PBX1: variants seen among roughly 807,000 people sequenced by gnomAD.
The protein encoded by PBX1 is PBX homeobox 1.
In PBX1, 6 loss-of-function variants were observed where a neutral mutation model predicts 53.4. The observed-to-expected ratio is 0.11, with a 90% CI of 0.06 to 0.22. The LOEUF is 0.22. Ranked by LOEUF, PBX1 falls within the 10% of genes least tolerant of loss-of-function variation. PBX1 has a pLI of 1.00. For synonymous variants in PBX1, 204 were observed against 212.3 expected (o/e 0.96, Z 0.34); for missense variants, 251 against 551.4 (o/e 0.46, Z 5.46).
At chr1:164,842,092 G>A (rs1671328088) in intron 8 of PBX1, among the ~76,000 whole-genome samples, 1 of 152,164 alleles carries the variant, frequency 6.6e-6, no homozygotes, top group African/African-American at 2.4e-5. Flanking sequence ...GTGGGAAAAA[G>A]AGGAGATGGG....
At chr1:164,810,144 G>T (rs1669536737) in intron 5 of PBX1, among the ~76,000 whole-genome samples, 1 of 152,058 alleles carries the variant, frequency 6.6e-6, no homozygotes, top group African/African-American at 2.4e-5. Context: ...CTTCATCATG[G>T]CTCTGCCCAG....
chr1:164,852,833 A>G (rs937076468), downstream of PBX1, among the ~76,000 whole-genome samples: 1 of 152,224 alleles, frequency 6.6e-6, no homozygotes, highest in African/African-American at 2.4e-5. Flanking sequence ...GAGTGTCACC[A>G]GAAGCCAAAA....
intron 3 of PBX1, among the ~76,000 whole-genome samples, chr1:164,793,243 A>G (rs1045052512): frequency 3.3e-5 from 5 of 152,112 alleles, no homozygotes; most frequent in African/African-American, 1.2e-4. Flanking sequence ...CCCTCACTTT[A>G]CCCAGACTCA....
In PBX1 at chr1:164,875,237, G is replaced by A. The variant is rs1450642985; in HGVS notation, n.258-23951G>A. Among the ~76,000 whole-genome samples, 4 of 152,284 alleles carry A rather than the reference G, an allele frequency of 2.6e-5. No individual in the cohort carries two copies. In the East Asian group the frequency reaches 7.7e-4, roughly 29 times the overall value. On this transcript the variant is annotated intron_variant and non_coding_transcript_variant, in intron 2 of 2. Coordinates refer to the PBX1 transcript ENST00000558796. ...AAAGCAAAGGAAGCACGACTGGGCTGGGAAGCTGTCAAACAGGGATACAGA... is the reference window on the plus strand; with the variant it reads ...AAAGCAAAGGAAGCACGACTGGGCTAGGAAGCTGTCAAACAGGGATACAGA...
chr1:164,697,236 A>G (rs1662849124), intron 2 of PBX1, among the ~76,000 whole-genome samples: 1 of 152,180 alleles, frequency 6.6e-6, no homozygotes, highest in African/African-American at 2.4e-5. Context: ...TTGCCCTGTT[A>G]CCTGACTAGG....
chr1:164,826,242 A>C (rs1670453146), intron 8 of PBX1, among the ~76,000 whole-genome samples: 1 of 152,170 alleles, frequency 6.6e-6, no homozygotes, highest in Non-Finnish European at 1.5e-5. Flanking sequence ...AGAGTTAGTA[A>C]CTTCTATTCT....
At chr1:164,607,385 A>C (rs757529299) in intron 2 of PBX1, among the ~76,000 whole-genome samples, 4 of 152,170 alleles carry the variant, frequency 2.6e-5, no homozygotes, top group Non-Finnish European at 4.4e-5. Context: ...AGGTGGTTTG[A>C]GGGAGAAGGA....
At chr1:164,611,474 G>A (rs1656923116) in intron 2 of PBX1, among the ~76,000 whole-genome samples, 1 of 152,044 alleles carries the variant, frequency 6.6e-6, no homozygotes, top group Non-Finnish European at 1.5e-5. Flanking sequence ...TCCTGACCTC[G>A]TGATCCGCCC....
intron 2 of PBX1, among the ~76,000 whole-genome samples, chr1:164,614,195 G>A (rs1305637513): frequency 2.6e-5 from 4 of 152,166 alleles, no homozygotes. Context: ...CATGAAAGAA[G>A]GATAGACAAA....
At chr1:164,676,571 A>G (rs1016641871) in intron 2 of PBX1, among the ~76,000 whole-genome samples, 6 of 152,220 alleles carry the variant, frequency 3.9e-5, no homozygotes, top group African/African-American at 1.4e-4. Context: ...TTTATGGTCA[A>G]CAGCTTTTTG....
At chr1:164,866,295 G>A (rs575738580) in intron 2 of PBX1, among the ~76,000 whole-genome samples, 5 of 152,206 alleles carry the variant, frequency 3.3e-5, no homozygotes, top group Non-Finnish European at 4.4e-5. Context: ...ATATCTTCAC[G>A]CTTGTAGCTC....
rs545884139 is a variant in PBX1, at chr1:164,697,428, TTTAA to T, written c.266-95062_266-95059del. On this transcript the variant is annotated intron_variant, in intron 2 of 8. Transcript: ENST00000420696. Reference sequence around the variant, plus strand: ...GCTCCTATAACAAAATTCCTGAAACTTTAATTAGCCCTTTTCTATTCTATGTCAA... The same window carrying T: ...GCTCCTATAACAAAATTCCTGAAACTTTAGCCCTTTTCTATTCTATGTCAA... Among the ~76,000 whole-genome samples the T allele has an allele frequency of 1.1e-4, 16 of 152,348 alleles. No individual in the cohort carries two copies. In the East Asian group the frequency reaches 2.9e-3, roughly 28 times the overall value.
In PBX1 at chr1:164,811,949, A is replaced by G. The variant is rs202126382; in HGVS notation, c.838-41A>G. The G allele has an allele frequency of 4.2e-5, 66 of 1,561,976 alleles. No individual in the cohort carries two copies. In the Admixed American group the frequency reaches 1.1e-3, roughly 25 times the overall value. On this transcript the variant is annotated intron_variant, in intron 5 of 8. Coordinates refer to ENST00000420696, the MANE Select transcript of PBX1 (RefSeq NM_002585.4). ...TTTTCTTCTGCAATGTTTCTGAAGG[A>G]TGAAATGTGAACTTTCTCATCTTCT...
intron 2 of PBX1, among the ~76,000 whole-genome samples, chr1:164,776,968 A>AT (rs1413328084): frequency 2.1e-5 from 2 of 93,590 alleles, no homozygotes; most frequent in African/African-American, 4.9e-5. Flanking sequence ...AGAGAGAGAG[A>AT]GAGAGAGAGA....
At chr1:164,676,683 T>C (rs1661450632) in intron 2 of PBX1, among the ~76,000 whole-genome samples, 2 of 152,150 alleles carry the variant, frequency 1.3e-5, no homozygotes, top group African/African-American at 4.8e-5. Flanking sequence ...CCCCCTAACT[T>C]GCTAGCTAAG....
intron 2 of PBX1, among the ~76,000 whole-genome samples, chr1:164,648,032 G>A (rs1659572741): frequency 6.6e-6 from 1 of 152,002 alleles, no homozygotes; most frequent in South Asian, 2.1e-4. Flanking sequence ...AGCCAGGAAG[G>A]TCTCGATCTC....
At chr1:164,571,691 G>A (rs1653864881) in intron 2 of PBX1, among the ~76,000 whole-genome samples, 1 of 149,782 alleles carries the variant, frequency 6.7e-6, no homozygotes, top group East Asian at 2.0e-4. Flanking sequence ...TTTGCTTACA[G>A]GTTTTTATGT....
At chr1:164,870,346 T>TTTCTTTCTTTCC (rs1672349193) in intron 2 of PBX1, among the ~76,000 whole-genome samples, 1 of 108,680 alleles carries the variant, frequency 9.2e-6, no homozygotes, top group African/African-American at 3.5e-5. Context: ...TCTTTCTTTC[T>TTTCTTTCTTTCC]TTCTTTCTTT....
chr1:164,821,571 G>C lies in PBX1; in HGVS notation c.1145G>C (p.Gly382Ala). The C allele has an allele frequency of 6.2e-7, 1 of 1,614,070 alleles. No individual in the cohort carries two copies. Among genetic ancestry groups the C allele is most frequent in the Non-Finnish European group, 8.5e-7 (1 of 1,179,980 alleles). Residue 382 changes from glycine (G) to alanine (A), a missense_variant, in exon 8 of 9, where the codon GGA (glycine) becomes GCA (alanine). Around this residue, in one of 4 missense-constraint regions of PBX1, gnomAD observed 92 missense variants for 130.4 expected, o/e 0.71. Transcript: ENST00000420696. ...DTLRHVISQT[G>A]GYSDGLAASQ... ...CTTCGCCATGTTATCAGCCAGACAG[G>C]AGGATACAGTGATGGACTCGCAGCC...
Sources: allele counts gnomAD v4.1 joint callset (sites outside exome capture counted in the v4.1 genomes callset), GRCh38; gene constraint gnomAD v4.1.1; regional missense constraint gnomAD v4.1.1; transcripts MANE v1.5; gene names NCBI Gene and HGNC (gene_info 2026-07-23, HGNC 2026-07-21).